Variants in RHOBTB1 observed in about 807,000 individuals in gnomAD.
RHOBTB1 encodes the protein rho-related BTB domain-containing protein 1.
Under a neutral mutation model 71.6 loss-of-function variants are expected in RHOBTB1, and 40 were observed. The observed-to-expected ratio is 0.56, with a 90% CI of 0.43 to 0.73. The LOEUF (loss-of-function observed/expected upper bound fraction) is 0.73. Ranked by LOEUF, RHOBTB1 falls within the 30% of genes least tolerant of loss-of-function variation. The probability of loss-of-function intolerance (pLI) is 0.00; values close to 1 mark genes in which losing one functional copy is unlikely to be tolerated. For missense variants in RHOBTB1, 797 were observed against 894.0 expected (o/e 0.89, Z 1.38); for synonymous variants, 319 against 334.9 (o/e 0.95, Z 0.52).
rs746026554 is a variant in RHOBTB1 at position 60,875,014 on chromosome 10, T to C, written c.1755A>G (p.Lys585=). 1.3e-5 allele frequency: 21 copies of C among 1,613,938 alleles called. No individual in the cohort carries two copies. The highest frequency in any genetic ancestry group is 2.5e-6 in the Non-Finnish European group (3 of 1,179,934). The part of the protein sequence containing the change: ...AEQHAVQELT[K]AATSGVGIDG... ...CAATGCCCACGCCACTCGTGGCGGCTTTGGTCAACTCCTGAACGGCATGCT... is the reference window on the plus strand; with the variant it reads ...CAATGCCCACGCCACTCGTGGCGGCCTTGGTCAACTCCTGAACGGCATGCT... The change falls in exon 9 of 11, where the codon AAA becomes AAG. Residue 585 remains lysine, a synonymous_variant. Transcript: ENST00000337910.
chr10:60,945,774 G>A (rs1340345718), upstream of RHOBTB1, among the ~76,000 whole-genome samples: 1 of 152,106 alleles, frequency 6.6e-6, no homozygotes, highest in Non-Finnish European at 1.5e-5. Context: ...TGAAAATGGA[G>A]TTACCAAGGC....
chr10:60,976,750 A>C (rs1007483178), intron 2 of RHOBTB1, among the ~76,000 whole-genome samples: 1 of 152,060 alleles, frequency 6.6e-6, no homozygotes, highest in African/African-American at 2.4e-5. Context: ...TTTAATAATA[A>C]AAATATTTTC....
At chr10:60,936,515 C>T (rs1425852344) in intron 2 of RHOBTB1, among the ~76,000 whole-genome samples, 3 of 152,150 alleles carry the variant, frequency 2.0e-5, no homozygotes, top group Non-Finnish European at 2.9e-5. Context: ...TTTAAGATTC[C>T]ATGACTCTAT....
intron 2 of RHOBTB1, among the ~76,000 whole-genome samples, chr10:60,922,778 A>G (rs1008214644): frequency 1.3e-5 from 2 of 152,186 alleles, no homozygotes; most frequent in African/African-American, 4.8e-5. Flanking sequence ...CAAAGTATGG[A>G]AAAAGATTCT....
upstream of RHOBTB1, among the ~76,000 whole-genome samples, chr10:60,945,810 G>C (rs933462849): frequency 7.9e-5 from 12 of 152,224 alleles, no homozygotes; most frequent in African/African-American, 2.9e-4. Context: ...CAGAAAGAGA[G>C]GGTAGTGAAA....
intron 2 of RHOBTB1, among the ~76,000 whole-genome samples, chr10:60,966,820 A>G (rs908605244): frequency 6.6e-6 from 1 of 150,844 alleles, no homozygotes; most frequent in African/African-American, 2.4e-5. Context: ...TACATCTCCT[A>G]ATGCTATCCC....
intron 1 of RHOBTB1, among the ~76,000 whole-genome samples, chr10:60,997,064 TACACACACACACACAC>T (rs3049452): frequency 1.6e-4 from 23 of 144,838 alleles, no homozygotes; most frequent in African/African-American, 4.6e-4. Flanking sequence ...CATGGTTATG[TACACACACACACACAC>T]ACACACACAC....
chr10:60,912,581 A>G (rs2083050065), intron 2 of RHOBTB1, among the ~76,000 whole-genome samples: 1 of 152,212 alleles, frequency 6.6e-6, no homozygotes, highest in South Asian at 2.1e-4. Flanking sequence ...ATTCAAAAAA[A>G]TTATCTTCTG....
At chr10:60,989,295 T>A (rs2134928545) in intron 1 of RHOBTB1, among the ~76,000 whole-genome samples, 1 of 152,340 alleles carries the variant, frequency 6.6e-6, no homozygotes, top group South Asian at 2.1e-4. Flanking sequence ...GGGAAAATGT[T>A]GCACTTGTTT....
At chr10:60,929,979 A>G (rs1164154083) in intron 2 of RHOBTB1, among the ~76,000 whole-genome samples, 1 of 152,184 alleles carries the variant, frequency 6.6e-6, no homozygotes, top group Non-Finnish European at 1.5e-5. Flanking sequence ...AAATCCCCCA[A>G]AGTGTAAATT....
Position 60,886,248 on chromosome 10 carries a change from A to C in RHOBTB1, c.1457-18T>G. 1.2e-6 allele frequency: 2 copies of C among 1,601,022 alleles called. No homozygotes were observed. The highest frequency in any genetic ancestry group is 1.7e-6 in the Non-Finnish European group (2 of 1,168,530). Reference sequence around the variant, plus strand: ...TGTCACGTCTGCCAAGGGATTGAGGAAACACAACCATGAGCCAACTTTGCT... The same window carrying C: ...TGTCACGTCTGCCAAGGGATTGAGGCAACACAACCATGAGCCAACTTTGCT... On this transcript the variant is annotated intron_variant, in intron 6 of 10. Coordinates refer to ENST00000337910, the MANE Select transcript of RHOBTB1 (RefSeq NM_014836.5).
At chr10:60,867,291 T>C (rs764199761), downstream of RHOBTB1, among the ~76,000 whole-genome samples, 37 of 152,246 alleles carry the variant, frequency 2.4e-4, no homozygotes, top group Non-Finnish European at 4.3e-4. Flanking sequence ...ATTTTAAGAA[T>C]AGTCAAACTT....
chr10:60,979,294 G>A (rs1395061593), intron 2 of RHOBTB1, among the ~76,000 whole-genome samples: 2 of 152,070 alleles, frequency 1.3e-5, no homozygotes, highest in East Asian at 3.9e-4. Flanking sequence ...TACCATTTTG[G>A]TGATAACAGT....
chr10:60,889,762 T>A (rs113325177), intron 5 of RHOBTB1, among the ~76,000 whole-genome samples: 1,524 of 152,328 alleles, frequency 0.01, 13 homozygotes, highest in Non-Finnish European at 0.015. Flanking sequence ...TTTTTCCATC[T>A]GTAAGACAGG....
chr10:60,935,563 AAAGC>A (rs2084532059), intron 2 of RHOBTB1, among the ~76,000 whole-genome samples: 1 of 152,180 alleles, frequency 6.6e-6, no homozygotes, highest in Non-Finnish European at 1.5e-5. Context: ...ATTTCAGTGT[AAAGC>A]AAGGTTGGGA....
At chr10:60,997,156 T>A (rs916332803) in intron 1 of RHOBTB1, among the ~76,000 whole-genome samples, 8 of 151,998 alleles carry the variant, frequency 5.3e-5, no homozygotes, top group Non-Finnish European at 1.0e-4. Context: ...ACAATTTTAA[T>A]CATCTCTGCT....
At chr10:60,910,823 C>T (rs1456732563) in intron 4 of RHOBTB1, 64 bp downstream of exon 4, 16 of 1,205,014 alleles carry the variant, frequency 1.3e-5, no homozygotes, top group African/African-American at 6.0e-5. Context: ...TTTGTAAACC[C>T]GCTGCTGGTT....
intron 2 of RHOBTB1, among the ~76,000 whole-genome samples, chr10:60,938,310 A>G (rs994654377): frequency 5.9e-5 from 9 of 152,134 alleles, no homozygotes; most frequent in Non-Finnish European, 1.3e-4. Flanking sequence ...GATTTAGAAG[A>G]CTTGGCACTT....
At chr10:60,883,709 C>A (rs1313181672) in intron 7 of RHOBTB1, among the ~76,000 whole-genome samples, 1 of 152,220 alleles carries the variant, frequency 6.6e-6, no homozygotes, top group East Asian at 1.9e-4. Flanking sequence ...TCACTACCAA[C>A]AACATCAGAA....
Sources: gnomAD v4.1 joint callset for allele counts (sites outside exome capture counted in the v4.1 genomes callset) on GRCh38, gnomAD v4.1.1 for gene constraint, MANE v1.5 for transcripts, NCBI Gene and HGNC (gene_info 2026-07-23, HGNC 2026-07-21) for gene names.